HDAC4: variants seen among roughly 807,000 people sequenced by gnomAD.
HDAC4 encodes histone deacetylase 4.
HDAC4 carries 16 observed loss-of-function variants against 135.1 expected under a neutral mutation model. That is an observed-to-expected ratio of 0.12 (90% CI 0.08 to 0.18). The LOEUF (loss-of-function observed/expected upper bound fraction) is 0.18, where lower values mean the gene tolerates loss of function less well. HDAC4 is among the 10% of genes least tolerant of loss of function. The pLI, the probability that HDAC4 is intolerant of heterozygous loss-of-function variation, is 1.00. For missense variants in HDAC4, 1,143 were observed against 1,511.8 expected, an observed-to-expected ratio of 0.76 and a Z score of 4.05; for synonymous variants, 685 against 653.4, an observed-to-expected ratio of 1.05 and a Z score of -0.74.
At chr2:239,356,608 T>C (rs751316950) in intron 1 of HDAC4, among the ~76,000 whole-genome samples, 23 of 152,202 alleles carry the variant, frequency 1.5e-4, no homozygotes, top group Non-Finnish European at 3.1e-4. Context: ...AAAGCTGTAA[T>C]GGTTATATGT....
intron 5 of HDAC4, among the ~76,000 whole-genome samples, chr2:239,170,976 A>G (rs987583769): frequency 6.6e-6 from 1 of 152,154 alleles, no homozygotes; most frequent in African/African-American, 2.4e-5. Context: ...CTGAAACCCA[A>G]CTCAGAATCA....
intron 2 of HDAC4, among the ~76,000 whole-genome samples, chr2:239,296,208 C>G (rs1347039108): frequency 1.4e-5 from 2 of 145,764 alleles, no homozygotes; most frequent in Non-Finnish European, 3.1e-5. Flanking sequence ...ACTCTCAAAG[C>G]ACACACACAC....
chr2:239,289,320 G>C (rs1431846771), intron 2 of HDAC4, among the ~76,000 whole-genome samples: 1 of 152,172 alleles, frequency 6.6e-6, no homozygotes, highest in Non-Finnish European at 1.5e-5. Flanking sequence ...TGGTTGTTTT[G>C]TTTTTAAATG....
rs142547222 is a variant in HDAC4 at position 239,335,420 on chromosome 2, A to G, written c.22+17258T>C. 1.9e-3 allele frequency among the ~76,000 whole-genome samples: 289 copies of G among 150,832 alleles called. 1 individual carries two copies. The highest frequency in any genetic ancestry group is 6.6e-3 in the African/African-American group (271 of 41,218). ...ATCTAAATGAGTGATAGAACAATGAAGTTTATCAAAAATAATATAGAATAT... is the reference window on the plus strand; with the variant it reads ...ATCTAAATGAGTGATAGAACAATGAGGTTTATCAAAAATAATATAGAATAT... On this transcript the variant is annotated intron_variant, in intron 2 of 26. Transcript: ENST00000543185.
At chr2:239,144,438 A>T in intron 8 of HDAC4, 145 bp downstream of exon 8, 2 of 1,088,094 alleles carry the variant, frequency 1.8e-6, no homozygotes, top group Non-Finnish European at 2.8e-6. Context: ...TGGCACTTCC[A>T]GCGCCATGGG....
At chr2:239,184,675 AG>A (rs2044406335) in intron 4 of HDAC4, among the ~76,000 whole-genome samples, 1 of 35,008 alleles carries the variant, frequency 2.9e-5, no homozygotes, top group African/African-American at 1.1e-4. Context: ...CCTATGGGGG[AG>A]GTCCCTCAGT....
chr2:239,288,052 C>A (rs2051234646), intron 2 of HDAC4, among the ~76,000 whole-genome samples: 1 of 146,136 alleles, frequency 6.8e-6, no homozygotes. Flanking sequence ...CTTAAATAAA[C>A]TATCCCTGTA....
At chr2:239,074,882 T>C (rs1264936481) in intron 22 of HDAC4, among the ~76,000 whole-genome samples, 1 of 152,104 alleles carries the variant, frequency 6.6e-6, no homozygotes, top group Non-Finnish European at 1.5e-5. Flanking sequence ...CTGCAAAAAA[T>C]GGGAAACTGG....
At chr2:239,064,503 A>T (rs1427177264) in intron 24 of HDAC4, among the ~76,000 whole-genome samples, 1 of 152,050 alleles carries the variant, frequency 6.6e-6, no homozygotes, top group Non-Finnish European at 1.5e-5. Flanking sequence ...ACAGAAGGGG[A>T]GGGAGGAAGG....
At chr2:239,127,696 G>T (rs3828207) in intron 11 of HDAC4, among the ~76,000 whole-genome samples, 19,901 of 152,286 alleles carry the variant, frequency 0.13, 1,673 homozygotes, top group Non-Finnish European at 0.18. Context: ...CCTGGTGGGG[G>T]ACTCTTTGGA....
intron 2 of HDAC4, among the ~76,000 whole-genome samples, chr2:239,279,160 T>C (rs925432206): frequency 6.6e-6 from 1 of 152,188 alleles, no homozygotes; most frequent in African/African-American, 2.4e-5. Flanking sequence ...TCAAATTTCA[T>C]AATGGCTTTT....
At chr2:239,314,099 A>G (rs1031203771) in intron 2 of HDAC4, among the ~76,000 whole-genome samples, 4 of 152,166 alleles carry the variant, frequency 2.6e-5, no homozygotes, top group Admixed American at 2.0e-4. Context: ...CAGACAACCC[A>G]TGAGGCCTGA....
intron 9 of HDAC4, among the ~76,000 whole-genome samples, chr2:239,136,907 T>G (rs1031924288): frequency 6.6e-6 from 1 of 152,170 alleles, no homozygotes; most frequent in Non-Finnish European, 1.5e-5. Flanking sequence ...TCCCTTTAGA[T>G]TTGCTCACAT....
chr2:239,385,030 AG>A (rs1695693113), intron 1 of HDAC4, among the ~76,000 whole-genome samples: 1 of 152,196 alleles, frequency 6.6e-6, no homozygotes, highest in Non-Finnish European at 1.5e-5. Flanking sequence ...GCACAGGGAC[AG>A]GGACAAGGCT....
At chr2:239,346,594 CCT>C (rs1464190258) in intron 2 of HDAC4, among the ~76,000 whole-genome samples, 2 of 149,632 alleles carry the variant, frequency 1.3e-5, no homozygotes, top group African/African-American at 4.9e-5. Flanking sequence ...AACACACACA[CCT>C]GTCTAAAACA....
chr2:239,173,249 T>C (rs532331284), intron 5 of HDAC4, among the ~76,000 whole-genome samples: 4 of 152,268 alleles, frequency 2.6e-5, no homozygotes, highest in Admixed American at 2.6e-4. Context: ...GTTGCAATCA[T>C]ACAAAATAAA....
Position 239,177,645 on chromosome 2 carries a change from G to A in HDAC4, c.340-1082C>T, listed in dbSNP as rs376586247. Among the ~76,000 whole-genome samples the A allele has an allele frequency of 2.1e-4, 32 of 152,166 alleles. No homozygotes were observed. In the South Asian group the frequency reaches 5.6e-3, roughly 27 times the overall value. ...ATCTCATATTTCAAAAACTGACGTCGACATAAAATGTTTGTCTTAATAACA... is the reference window on the plus strand; with the variant it reads ...ATCTCATATTTCAAAAACTGACGTCAACATAAAATGTTTGTCTTAATAACA... On this transcript the variant is annotated intron_variant, in intron 4 of 26. Transcript: ENST00000543185.
At position 239,144,206 on chromosome 2, in the gene HDAC4, C is replaced by T. The variant is rs1463144799; in HGVS notation, c.865+377G>A. 9.9e-5 allele frequency among the ~76,000 whole-genome samples: 15 copies of T among 152,280 alleles called. No individual in the cohort carries two copies. In the South Asian group the frequency reaches 2.1e-3, roughly 21 times the overall value. On this transcript the variant is annotated intron_variant, in intron 8 of 26. Coordinates refer to ENST00000543185, the MANE Select transcript of HDAC4 (RefSeq NM_001378414.1). ...TGGTTCAGACACTGCTCAGGGGCAG[C>T]GGAACAGGGCAGAGCATGCGATTCA...
intron 1 of HDAC4, among the ~76,000 whole-genome samples, chr2:239,364,257 A>C (rs1694034010): frequency 6.6e-6 from 1 of 152,248 alleles, no homozygotes; most frequent in Admixed American, 6.5e-5. Flanking sequence ...TATCTGTAAC[A>C]GTCAAAAACC....
Sources: gnomAD v4.1 joint callset for allele counts (sites outside exome capture counted in the v4.1 genomes callset) on GRCh38, gnomAD v4.1.1 for gene constraint, MANE v1.5 for transcripts, NCBI Gene and HGNC (gene_info 2026-07-23, HGNC 2026-07-21) for gene names.